The following GABRB1 variants were observed in gnomAD, a reference collection of about 807,000 sequenced individuals.
GABRB1 encodes gamma-aminobutyric acid type A receptor subunit beta1, also known as gamma-aminobutyric acid receptor subunit beta-1.
Under a neutral mutation model 51.6 loss-of-function variants are expected in GABRB1, and 17 were observed. The observed-to-expected ratio is 0.33, with a 90% CI of 0.23 to 0.49. GABRB1 has a LOEUF of 0.49. Ranked by LOEUF, GABRB1 falls within the 20% of genes least tolerant of loss-of-function variation. GABRB1 has a pLI of 0.99. For synonymous variants in GABRB1, 247 were observed against 218.9 expected (o/e 1.13, Z -1.14); for missense variants, 410 against 600.6 (o/e 0.68, Z 3.32).
At chr4:47,372,870 T>A (rs1179319886) in intron 5 of GABRB1, among the ~76,000 whole-genome samples, 1 of 152,108 alleles carries the variant, frequency 6.6e-6, no homozygotes, top group Non-Finnish European at 1.5e-5. Context: ...CAAACAGCTA[T>A]CATCACCAAC....
chr4:47,345,962 T>A (rs1056564388), intron 5 of GABRB1, among the ~76,000 whole-genome samples: 2 of 151,870 alleles, frequency 1.3e-5, no homozygotes, highest in African/African-American at 4.8e-5. Context: ...ATGCCCCACA[T>A]GAGGCCACAA....
At chr4:47,163,828 T>G (rs1718062039) in intron 4 of GABRB1, among the ~76,000 whole-genome samples, 1 of 151,954 alleles carries the variant, frequency 6.6e-6, no homozygotes, top group Admixed American at 6.6e-5. Flanking sequence ...TAAAAAAAAG[T>G]GATTGGATGA....
chr4:47,078,277 GC>G (rs1727663469), intron 3 of GABRB1, among the ~76,000 whole-genome samples: 1 of 151,696 alleles, frequency 6.6e-6, no homozygotes, highest in South Asian at 2.1e-4. Flanking sequence ...GAGCCATCGC[GC>G]CCGGCCTATA....
chr4:47,290,876 AG>A (rs1723700782), intron 4 of GABRB1, among the ~76,000 whole-genome samples: 1 of 152,164 alleles, frequency 6.6e-6, no homozygotes, highest in African/African-American at 2.4e-5. Context: ...CAGTTTCATA[AG>A]GGAAGCAGAG....
intron 2 of GABRB1, 86 bp downstream of exon 2, chr4:47,032,091 AG>A (rs1325872685): frequency 1.0e-5 from 9 of 894,986 alleles, no homozygotes; most frequent in East Asian, 8.1e-5. Context: ...AAAAAAGAAA[AG>A]GCATGTCATT....
intron 5 of GABRB1, among the ~76,000 whole-genome samples, chr4:47,387,298 TA>T (rs1727831407): frequency 6.6e-6 from 1 of 152,112 alleles, no homozygotes; most frequent in African/African-American, 2.4e-5. Context: ...CCATCTCTGC[TA>T]AAAATATAAA....
At chr4:47,310,592 A>G (rs185143903) in intron 4 of GABRB1, among the ~76,000 whole-genome samples, 3 of 152,282 alleles carry the variant, frequency 2.0e-5, no homozygotes, top group East Asian at 3.9e-4. Context: ...AACTGGGGAG[A>G]ACTTAACCCT....
chr4:47,032,018 C>T lies in GABRB1; in HGVS notation c.172+13C>T. 2 of 1,562,666 alleles carry T rather than the reference C, an allele frequency of 1.3e-6. No homozygotes were observed. The highest frequency in any genetic ancestry group is 1.7e-6 in the Non-Finnish European group (2 of 1,146,770). The stretch of plus-strand genomic sequence containing the variant: ...CCGGACTTCGGAGGTAACGCTTCAT[C>T]TTTTTTCAACCTGTAACCCATCCTT... On this transcript the variant is annotated intron_variant, in intron 2 of 8. Transcript: ENST00000295454.
At chr4:47,004,396 G>C (rs1483390744) in intron 1 of GABRB1, among the ~76,000 whole-genome samples, 2 of 152,108 alleles carry the variant, frequency 1.3e-5, no homozygotes, top group East Asian at 3.8e-4. Flanking sequence ...AAGATTATAG[G>C]CATGATGAGC....
At chr4:47,082,171 G>A (rs969020602) in intron 3 of GABRB1, among the ~76,000 whole-genome samples, 10 of 151,884 alleles carry the variant, frequency 6.6e-5, no homozygotes, top group African/African-American at 2.2e-4. Context: ...GGTCCCCTGA[G>A]CTATTATTTA....
At chr4:47,035,848 T>G (rs1725531392) in intron 3 of GABRB1, among the ~76,000 whole-genome samples, 1 of 152,250 alleles carries the variant, frequency 6.6e-6, no homozygotes, top group Non-Finnish European at 1.5e-5. Flanking sequence ...ATTAACTACC[T>G]TCTAACAAGT....
At chr4:47,116,883 G>A (rs1214558057) in intron 3 of GABRB1, among the ~76,000 whole-genome samples, 2 of 152,130 alleles carry the variant, frequency 1.3e-5, no homozygotes, top group Admixed American at 6.5e-5. Flanking sequence ...GGGGAAGCAG[G>A]CACCTCTTCA....
At chr4:47,323,821 A>G (rs187783305) in intron 5 of GABRB1, among the ~76,000 whole-genome samples, 1 of 152,344 alleles carries the variant, frequency 6.6e-6, no homozygotes, top group East Asian at 1.9e-4. Context: ...AAATTGAAAA[A>G]GCCATAAAGG....
chr4:47,004,382 T>C (rs13139021), intron 1 of GABRB1, among the ~76,000 whole-genome samples: 96,686 of 152,050 alleles, frequency 0.64, 31,380 homozygotes, highest in South Asian at 0.73. Flanking sequence ...GAGACACTTA[T>C]GTCAAGATTA....
chr4:47,386,718 A>T (rs1448379436), intron 5 of GABRB1, among the ~76,000 whole-genome samples: 1 of 152,196 alleles, frequency 6.6e-6, no homozygotes, highest in Admixed American at 6.5e-5. Flanking sequence ...ACATCATTCC[A>T]TTGTCCAAGA....
chr4:47,282,508 T>C (rs1003052085), intron 4 of GABRB1, among the ~76,000 whole-genome samples: 6 of 152,166 alleles, frequency 3.9e-5, no homozygotes, highest in Admixed American at 6.5e-5. Context: ...ACATAACTAG[T>C]TGTAGTAGCC....
chr4:47,279,513 A>T (rs896981327), intron 4 of GABRB1, among the ~76,000 whole-genome samples: 2 of 152,154 alleles, frequency 1.3e-5, no homozygotes, highest in African/African-American at 4.8e-5. Flanking sequence ...AACCATTAAT[A>T]GGGAAGGCCC....
intron 1 of GABRB1, among the ~76,000 whole-genome samples, chr4:47,003,614 T>C (rs1012655815): frequency 2.0e-5 from 3 of 152,224 alleles, no homozygotes; most frequent in Admixed American, 2.0e-4. Context: ...CATGACAGAA[T>C]TGCAGAGCTA....
At chr4:47,326,400 G>A (rs1394736235) in intron 5 of GABRB1, among the ~76,000 whole-genome samples, 2 of 152,162 alleles carry the variant, frequency 1.3e-5, no homozygotes, top group Non-Finnish European at 2.9e-5. Context: ...TTTTGAGTGA[G>A]AGAGATCACA....
Sources: allele counts gnomAD v4.1 joint callset (sites outside exome capture counted in the v4.1 genomes callset), GRCh38; gene constraint gnomAD v4.1.1; transcripts MANE v1.5; gene names NCBI Gene and HGNC (gene_info 2026-07-23, HGNC 2026-07-21).